CACNG4: variants seen among roughly 807,000 people sequenced by gnomAD.
CACNG4 encodes voltage-dependent calcium channel gamma-4 subunit.
CACNG4 carries 8 observed loss-of-function variants against 22.9 expected under a neutral mutation model. The ratio of observed to expected loss-of-function variants is 0.35; its 90% CI spans 0.21 to 0.63. CACNG4 has a LOEUF of 0.63. Among genes scored for constraint, CACNG4 ranks in the 30% least tolerant of loss-of-function variants. The probability of loss-of-function intolerance (pLI) is 0.72; values close to 1 mark genes in which losing one functional copy is unlikely to be tolerated. For synonymous variants in CACNG4, 188 were observed against 191.9 expected (o/e 0.98, Z 0.17); for missense variants, 357 against 455.4 (o/e 0.78, Z 1.97).
Position 66,964,996 on chromosome 17 carries a change from G to A in CACNG4, c.85G>A (p.Gly29Ser), listed in dbSNP as rs1482347470. The A allele has an allele frequency of 1.2e-6, 2 of 1,611,458 alleles. No individual in the cohort carries two copies. Among genetic ancestry groups the A allele is most frequent in the Admixed American group, 1.7e-5 (1 of 59,906 alleles). Residue 29 changes from glycine (G) to serine (S), a missense_variant, in exon 1 of 4, where the codon GGC (glycine) becomes AGC (serine). Around this residue, in one of 3 missense-constraint regions of CACNG4, gnomAD observed 114 missense variants for 161.6 expected, o/e 0.71. Transcript: ENST00000262138. ...CTTCTCGCTCATGGCCATCGCCATC[G>A]GCACCGACTACTGGCTGTACTCCAG... ...AAFSLMAIAI[G>S]TDYWLYSSAH...
At chr17:67,017,706 C>T (rs377112293) in intron 1 of CACNG4, among the ~76,000 whole-genome samples, 2 of 151,874 alleles carry the variant, frequency 1.3e-5, no homozygotes, top group South Asian at 2.1e-4. Flanking sequence ...TTAGTAGGGA[C>T]GGGGTTTCAC....
intron 2 of CACNG4, among the ~76,000 whole-genome samples, chr17:67,022,595 T>G (rs2035538410): frequency 6.6e-6 from 1 of 152,138 alleles, no homozygotes; most frequent in Non-Finnish European, 1.5e-5. Context: ...CACTGATGCG[T>G]TCACAAAAAA....
At chr17:66,992,166 G>C (rs1019187745) in intron 1 of CACNG4, among the ~76,000 whole-genome samples, 4,626 of 145,302 alleles carry the variant, frequency 0.032, 241 homozygotes, top group African/African-American at 0.12. Context: ...CTCCTGGGGG[G>C]GGGGGGCTGT....
chr17:66,973,499 A>G (rs1342919904), intron 1 of CACNG4, among the ~76,000 whole-genome samples: 1 of 152,230 alleles, frequency 6.6e-6, no homozygotes, highest in African/African-American at 2.4e-5. Context: ...AGGAGCAGAA[A>G]GTGGCTGTGG....
chr17:66,976,525 C>T (rs78933683), intron 1 of CACNG4, among the ~76,000 whole-genome samples: 4,221 of 150,516 alleles, frequency 0.028, 84 homozygotes, highest in Non-Finnish European at 0.043. Flanking sequence ...CCTCCATCCT[C>T]CCTCCCTCCT....
chr17:67,004,763 A>G (rs1407639727), intron 1 of CACNG4, among the ~76,000 whole-genome samples: 4 of 152,142 alleles, frequency 2.6e-5, no homozygotes, highest in African/African-American at 7.2e-5. Context: ...CAGTCCTGTC[A>G]CCTAGGCTGG....
At position 67,031,408 on chromosome 17, in the gene CACNG4, C is replaced by T. The variant is rs2035605088; in HGVS notation, c.*404C>T. ...TTCCCTCCCTGCCTGGGTGTCGGGC[C>T]ACCAGAAGGCTCTGCCGGACGCCAA... On this transcript the variant is annotated 3_prime_UTR_variant, in exon 4 of 4. Transcript: ENST00000262138. This position sits in a 1 kb window ranked among gnomAD's most constrained non-coding sequence, Gnocchi z 4.0. 1 of 464,246 alleles carries T rather than the reference C, an allele frequency of 2.2e-6. No individual in the cohort carries two copies. 28.8% of individuals were successfully genotyped at this position (464,246 alleles called of 1,614,324 possible). A position where few individuals can be genotyped will look rare whatever the true frequency, so the allele number is the denominator to read the frequency against.
intron 1 of CACNG4, among the ~76,000 whole-genome samples, chr17:66,985,951 A>G (rs537256046): frequency 3.2e-4 from 48 of 147,714 alleles, no homozygotes; most frequent in East Asian, 7.7e-4. Flanking sequence ...AGGAAAAAAA[A>G]AAGAAGAAGA....
intron 1 of CACNG4, among the ~76,000 whole-genome samples, chr17:66,977,429 T>C (rs2035244739): frequency 6.6e-6 from 1 of 150,442 alleles, no homozygotes; most frequent in Non-Finnish European, 1.5e-5. Flanking sequence ...AGGACGGGGG[T>C]TGTGGGTGGG....
intron 1 of CACNG4, among the ~76,000 whole-genome samples, chr17:66,980,177 C>A (rs749298475): frequency 1.3e-5 from 2 of 152,216 alleles, no homozygotes; most frequent in Non-Finnish European, 2.9e-5. Flanking sequence ...TGGATCAAAG[C>A]CTTTGCAAGC....
chr17:66,968,508 T>C, intron 1 of CACNG4, among the ~76,000 whole-genome samples: 1 of 47,974 alleles, frequency 2.1e-5, no homozygotes, highest in Non-Finnish European at 3.8e-5. Context: ...CTCCCTCCTC[T>C]CCCCTACCCT....
intron 3 of CACNG4, among the ~76,000 whole-genome samples, chr17:67,029,490 T>G (rs1213255345): frequency 6.7e-6 from 1 of 149,394 alleles, no homozygotes; most frequent in Non-Finnish European, 1.5e-5. Context: ...AAAAATTGGC[T>G]GGGTGTGGTG....
intron 2 of CACNG4, among the ~76,000 whole-genome samples, chr17:67,022,733 A>C (rs572825319): frequency 2.6e-5 from 4 of 152,246 alleles, no homozygotes; most frequent in South Asian, 2.1e-4. Flanking sequence ...GGGTCCATGC[A>C]GCCGAGATTT....
intron 2 of CACNG4, among the ~76,000 whole-genome samples, chr17:67,018,962 C>T (rs2035516345): frequency 6.6e-6 from 1 of 152,196 alleles, no homozygotes; most frequent in Admixed American, 6.5e-5. Flanking sequence ...AGCCCCCACA[C>T]TAAGTCCAGA....
At chr17:67,023,243 A>G (rs1401262394) in intron 2 of CACNG4, among the ~76,000 whole-genome samples, 1 of 149,004 alleles carries the variant, frequency 6.7e-6, no homozygotes, top group African/African-American at 2.5e-5. Context: ...TGAGATTCTT[A>G]ACTGAGTCAC....
intron 1 of CACNG4, among the ~76,000 whole-genome samples, chr17:66,979,745 CTTTT>C (rs35942551): frequency 9.8e-5 from 9 of 92,016 alleles, no homozygotes; most frequent in South Asian, 8.3e-4. Flanking sequence ...TCTTTTCATG[CTTTT>C]TTTTTTTTTT....
chr17:67,021,596 G>A (rs1272474864), intron 2 of CACNG4: 2 of 152,270 alleles, frequency 1.3e-5, no homozygotes, highest in Admixed American at 1.3e-4. Context: ...AGATTTGAGG[G>A]GGTCACCACC....
At chr17:66,999,683 C>T (rs1352047125) in intron 1 of CACNG4, among the ~76,000 whole-genome samples, 2 of 152,136 alleles carry the variant, frequency 1.3e-5, no homozygotes, top group African/African-American at 4.8e-5. Context: ...CCAATCACCT[C>T]CCTCCTTCAA....
Position 67,031,356 on chromosome 17 carries a change from T to G in CACNG4, c.*352T>G. Reference sequence around the variant, plus strand: ...CATTATCTCCTCTTGGAAACGAATCTTGCCAGAAAAACGGGATTTCAGGGC... The same window carrying G: ...CATTATCTCCTCTTGGAAACGAATCGTGCCAGAAAAACGGGATTTCAGGGC... On this transcript the variant is annotated 3_prime_UTR_variant, in exon 4 of 4. Coordinates refer to ENST00000262138, the MANE Select transcript of CACNG4 (RefSeq NM_014405.4). This position sits in a 1 kb window ranked among gnomAD's most constrained non-coding sequence, Gnocchi z 4.0. 4.1e-6 allele frequency: 2 copies of G among 490,312 alleles called. No individual in the cohort carries two copies. Among genetic ancestry groups the G allele is most frequent in the Non-Finnish European group, 4.0e-6 (1 of 249,848 alleles). 30.4% of individuals were successfully genotyped at this position (490,312 alleles called of 1,614,324 possible).
Sources: gnomAD v4.1 joint callset for allele counts (sites outside exome capture counted in the v4.1 genomes callset) on GRCh38, gnomAD v4.1.1 for gene constraint, gnomAD v4.1.1 regional missense constraint, Gnocchi (gnomAD v3.1) non-coding constraint, MANE v1.5 for transcripts, NCBI Gene and HGNC (gene_info 2026-07-23, HGNC 2026-07-21) for gene names.